The following CSMD1 variants were observed in gnomAD, a reference collection of about 807,000 sequenced individuals.
CSMD1 encodes the protein CUB and sushi domain-containing protein 1.
CSMD1 carries 213 observed loss-of-function variants against 417.5 expected under a neutral mutation model. The ratio of observed to expected loss-of-function variants is 0.51; its 90% CI spans 0.46 to 0.57. The LOEUF is 0.57. CSMD1 is among the 20% of genes least tolerant of loss of function. The probability of loss-of-function intolerance (pLI) is 0.00; values close to 1 mark genes in which losing one functional copy is unlikely to be tolerated. For synonymous variants in CSMD1, 2,862 were observed against 1,736.8 expected, an observed-to-expected ratio of 1.65 and a Z score of -16.11; for missense variants, 6,923 against 4,529.7, an observed-to-expected ratio of 1.53 and a Z score of -15.17.
chr8:4,807,355 G>C (rs898602471), intron 1 of CSMD1, among the ~76,000 whole-genome samples: 7 of 152,116 alleles, frequency 4.6e-5, no homozygotes, highest in African/African-American at 1.2e-4. Flanking sequence ...AACCTATTCA[G>C]GGCAGTACTC....
intron 57 of CSMD1, among the ~76,000 whole-genome samples, chr8:2,971,073 T>C (rs758750171): frequency 1.1e-4 from 17 of 152,214 alleles, no homozygotes; most frequent in Non-Finnish European, 2.2e-4. Context: ...TATATCAGTA[T>C]GTATTTCCTA....
At chr8:4,380,674 C>A (rs980442255) in intron 3 of CSMD1, among the ~76,000 whole-genome samples, 1 of 152,092 alleles carries the variant, frequency 6.6e-6, no homozygotes, top group Non-Finnish European at 1.5e-5. Context: ...GGCAAATGGA[C>A]CATACTAACA....
chr8:3,489,197 G>C (rs1367646205), intron 11 of CSMD1, among the ~76,000 whole-genome samples: 1 of 152,142 alleles, frequency 6.6e-6, no homozygotes, highest in African/African-American at 2.4e-5. Context: ...AGCCATGCCA[G>C]GCAGTGTCTG....
At chr8:4,989,151 A>G (rs560031013) in intron 1 of CSMD1, among the ~76,000 whole-genome samples, 4 of 152,346 alleles carry the variant, frequency 2.6e-5, no homozygotes, top group Admixed American at 1.3e-4. Flanking sequence ...AAGCACAATG[A>G]TCATGTAATT....
intron 2 of CSMD1, among the ~76,000 whole-genome samples, chr8:4,511,723 T>G (rs1401708333): frequency 1.3e-5 from 2 of 152,158 alleles, no homozygotes; most frequent in Non-Finnish European, 2.9e-5. Flanking sequence ...GCTGGCTCAG[T>G]GTTCCCCAAG....
intron 26 of CSMD1, chr8:3,279,257 GC>G (rs1475489392): frequency 6.6e-6 from 1 of 152,144 alleles, no homozygotes; most frequent in Admixed American, 6.6e-5. Context: ...TAGTGGAGAG[GC>G]AGGACCATGT....
rs1381964012 is a variant in CSMD1 at position 3,688,194 on chromosome 8, A to G, written c.1009+20220T>C. On this transcript the variant is annotated intron_variant, in intron 7 of 69. Coordinates refer to ENST00000635120, the MANE Select transcript of CSMD1 (RefSeq NM_033225.6). The stretch of plus-strand genomic sequence containing the variant: ...GAGAGCTGGGCATAAATTGGACACA[A>G]TGAATACTTGTTGCATGCGTAAGTG... 3.3e-5 allele frequency among the ~76,000 whole-genome samples: 5 copies of G among 152,264 alleles called. No homozygotes were observed. In the South Asian group the frequency reaches 1.0e-3, roughly 32 times the overall value.
At chr8:3,427,055 C>T (rs1218617765) in intron 12 of CSMD1, among the ~76,000 whole-genome samples, 3 of 152,170 alleles carry the variant, frequency 2.0e-5, no homozygotes, top group Non-Finnish European at 4.4e-5. Flanking sequence ...TGAGAACTCA[C>T]TCACTATCAC....
At chr8:4,745,119 C>T (rs963456426) in intron 1 of CSMD1, among the ~76,000 whole-genome samples, 23 of 152,150 alleles carry the variant, frequency 1.5e-4, no homozygotes, top group African/African-American at 5.3e-4. Flanking sequence ...AAAATCCATA[C>T]ATTTAAATCA....
At chr8:4,227,404 G>C (rs559136571) in intron 3 of CSMD1, among the ~76,000 whole-genome samples, 1 of 152,142 alleles carries the variant, frequency 6.6e-6, no homozygotes, top group African/African-American at 2.4e-5. Context: ...TAAGAACCCT[G>C]TTGTCTTCCA....
chr8:3,761,430 A>T (rs1008865162), intron 5 of CSMD1, among the ~76,000 whole-genome samples: 2 of 151,940 alleles, frequency 1.3e-5, no homozygotes, highest in African/African-American at 4.8e-5. Context: ...AAATAAAAAA[A>T]CCCATATGGT....
intron 3 of CSMD1, among the ~76,000 whole-genome samples, chr8:4,325,177 T>C (rs1799490942): frequency 6.6e-6 from 1 of 152,054 alleles, no homozygotes; most frequent in African/African-American, 2.4e-5. Flanking sequence ...AAAATAAATA[T>C]AACAAAGGAA....
chr8:4,435,236 T>TG (rs1798086882), intron 2 of CSMD1, among the ~76,000 whole-genome samples: 1 of 152,134 alleles, frequency 6.6e-6, no homozygotes, highest in African/African-American at 2.4e-5. Flanking sequence ...AATTAAACCT[T>TG]GAAAAAAATG....
chr8:3,293,877 G>A (rs745658415), intron 25 of CSMD1, among the ~76,000 whole-genome samples: 4 of 152,218 alleles, frequency 2.6e-5, no homozygotes, highest in African/African-American at 7.2e-5. Flanking sequence ...GTGAGGAGCT[G>A]TGTTCCTTTG....
intron 10 of CSMD1, among the ~76,000 whole-genome samples, chr8:3,543,416 G>C (rs139592434): frequency 6.6e-6 from 1 of 152,240 alleles, no homozygotes; most frequent in Non-Finnish European, 1.5e-5. Context: ...GAATGAACAG[G>C]GGCAAGTGCA....
At chr8:4,438,596 T>G (rs1798279909) in intron 2 of CSMD1, among the ~76,000 whole-genome samples, 1 of 152,182 alleles carries the variant, frequency 6.6e-6, no homozygotes, top group Non-Finnish European at 1.5e-5. Context: ...AGTCACATTG[T>G]GCTGAATCAT....
chr8:4,151,198 A>G (rs1025446557), intron 3 of CSMD1, among the ~76,000 whole-genome samples: 6 of 152,206 alleles, frequency 3.9e-5, no homozygotes, highest in African/African-American at 1.4e-4. Flanking sequence ...TTCTGTTACC[A>G]TAACCTCTTC....
At position 3,709,680 on chromosome 8, in the gene CSMD1, GTTTTTTTTTTTTT is replaced by G. The variant is rs56272726; in HGVS notation, c.932-1202_932-1190del. The stretch of plus-strand genomic sequence containing the variant: ...GATGGGCTTTAAATTGCAGCAGCAT[GTTTTTTTTTTTTT>G]TTTTTTTTTTTTTTTTCCCTGCTTT... On this transcript the variant is annotated intron_variant, in intron 6 of 69. Transcript: ENST00000635120. Among the ~76,000 whole-genome samples, 42 of 33,702 alleles carry G rather than the reference GTTTTTTTTTTTTT, an allele frequency of 1.2e-3. 1 individual carries two copies. The highest frequency in any genetic ancestry group is 3.8e-3 in the South Asian group (4 of 1,042). 22.1% of individuals were successfully genotyped at this position (33,702 alleles called of 152,430 possible). A position where few individuals can be genotyped will look rare whatever the true frequency, so the allele number is the denominator to read the frequency against.
At chr8:3,236,654 A>C (rs1460423527) in intron 26 of CSMD1, among the ~76,000 whole-genome samples, 4 of 152,204 alleles carry the variant, frequency 2.6e-5, no homozygotes, top group Admixed American at 2.0e-4. Context: ...TCACAAAGTG[A>C]TTGGCAGAGC....
Sources: gnomAD v4.1 joint callset for allele counts (sites outside exome capture counted in the v4.1 genomes callset) on GRCh38, gnomAD v4.1.1 for gene constraint, MANE v1.5 for transcripts, NCBI Gene and HGNC (gene_info 2026-07-23, HGNC 2026-07-21) for gene names.